The following ARRDC5 variants were observed in gnomAD, a reference collection of about 807,000 sequenced individuals.
ARRDC5 encodes the protein arrestin domain-containing protein 5.
ARRDC5 carries 12 observed loss-of-function variants against 13.3 expected under a neutral mutation model. The observed-to-expected ratio is 0.90, with a 90% confidence interval of 0.58 to 1.46. The LOEUF is 1.46. Ranked by LOEUF, ARRDC5 falls within the 40% of genes most tolerant of loss-of-function variation. ARRDC5 has a pLI of 0.00. For synonymous variants in ARRDC5, 181 were observed against 173.4 expected, an observed-to-expected ratio of 1.04 and a Z score of -0.34; for missense variants, 406 against 418.7, an observed-to-expected ratio of 0.97 and a Z score of 0.26.
intron 2 of ARRDC5, among the ~76,000 whole-genome samples, chr19:4,894,064 AG>A (rs1171886096): frequency 1.5e-5 from 2 of 137,134 alleles, no homozygotes; most frequent in African/African-American, 2.8e-5. Flanking sequence ...AAAAAAAAAG[AG>A]GAGAAGAAGA....
the ARRDC5 span, among the ~76,000 whole-genome samples, chr19:4,912,119 C>A: frequency 6.6e-6 from 1 of 152,242 alleles, no homozygotes; most frequent in South Asian, 2.1e-4. Context: ...CCGTAAGAGA[C>A]GTGATGACTT....
chr19:4,914,998 A>G, the ARRDC5 span, among the ~76,000 whole-genome samples: 1 of 152,208 alleles, frequency 6.6e-6, no homozygotes, highest in Non-Finnish European at 1.5e-5. Flanking sequence ...TGGGCACTGC[A>G]GGGTGCGGAG....
At chr19:4,898,588 C>T (rs1319241185) in intron 1 of ARRDC5, among the ~76,000 whole-genome samples, 1 of 151,574 alleles carries the variant, frequency 6.6e-6, no homozygotes, top group Non-Finnish European at 1.5e-5. Context: ...TCTCGAACTC[C>T]TGACCTCAGA....
the ARRDC5 span, among the ~76,000 whole-genome samples, chr19:4,912,250 G>A: frequency 6.6e-6 from 1 of 152,144 alleles, no homozygotes; most frequent in Admixed American, 6.6e-5. Flanking sequence ...CTCGACAGAG[G>A]AGCTCCGCCT....
intron 2 of ARRDC5, among the ~76,000 whole-genome samples, chr19:4,894,926 T>C (rs1056051598): frequency 2.0e-5 from 3 of 152,102 alleles, no homozygotes; most frequent in Admixed American, 1.3e-4. Context: ...TGAAGGTTAA[T>C]TGAATCTGGT....
At chr19:4,909,281 A>G in the ARRDC5 span, 1 of 532,280 alleles carries the variant, frequency 1.9e-6, no homozygotes, top group East Asian at 3.5e-5. Context: ...CCTGCCACGC[A>G]GCCCCTTTGC....
chr19:4,890,961 C>T lies in ARRDC5; in HGVS notation c.*85G>A, dbSNP rs1286362752. 8.2e-7 allele frequency: 1 copy of T among 1,221,704 alleles called. No individual in the cohort carries two copies. The highest frequency in any genetic ancestry group is 2.5e-5 in the East Asian group (1 of 39,944). The allele number at this position is 1,221,704 out of a possible 1,614,324, so 75.7% of individuals were successfully genotyped here. A position where few individuals can be genotyped will look rare whatever the true frequency, so the allele number is the denominator to read the frequency against. On this transcript the variant is annotated 3_prime_UTR_variant, in exon 3 of 3. Transcript: ENST00000650722. ...AGACAACCTGTTGCCCACTCCTCGA[C>T]TCCTCTGAGAGTCACCTGTGCAAGA...
chr19:4,901,701 G>A (rs2031921350), intron 1 of ARRDC5, among the ~76,000 whole-genome samples: 1 of 152,016 alleles, frequency 6.6e-6, no homozygotes, highest in Non-Finnish European at 1.5e-5. Flanking sequence ...GCCAAGTGTT[G>A]GCCACGTGTT....
At chr19:4,895,558 C>G (rs941279145) in intron 2 of ARRDC5, among the ~76,000 whole-genome samples, 3 of 152,098 alleles carry the variant, frequency 2.0e-5, no homozygotes, top group Non-Finnish European at 2.9e-5. Flanking sequence ...TGGCCAACGT[C>G]CCTCCTCCCA....
At chr19:4,904,902 T>C (rs183429752), upstream of ARRDC5, among the ~76,000 whole-genome samples, 6 of 152,138 alleles carry the variant, frequency 3.9e-5, no homozygotes, top group Admixed American at 2.0e-4. Context: ...GGGAGGGACA[T>C]TGAATCATAG....
At chr19:4,905,461 A>ATT (rs564794778), upstream of ARRDC5, among the ~76,000 whole-genome samples, 2 of 145,532 alleles carry the variant, frequency 1.4e-5, no homozygotes, top group African/African-American at 5.0e-5. Context: ...TTTTTTTGCA[A>ATT]TTTTTTTTTT....
At chr19:4,909,105 A>G in the ARRDC5 span, 1 of 186,414 alleles carries the variant, frequency 5.4e-6, no homozygotes, top group African/African-American at 2.4e-5. Context: ...GGGGCCCCCC[A>G]CATTCCCTCG....
At chr19:4,898,715 C>A (rs1568397499) in intron 1 of ARRDC5, among the ~76,000 whole-genome samples, 1 of 147,358 alleles carries the variant, frequency 6.8e-6, no homozygotes, top group Non-Finnish European at 1.5e-5. Flanking sequence ...CAGCCTGGAC[C>A]TCTTGGGCTC....
At position 4,899,892 on chromosome 19, in the gene ARRDC5, T is replaced by C. The variant is rs189922342; in HGVS notation, c.253+2681A>G. ...AGGCGGAGCTTGCAGTGAGCCAAGA[T>C]TGCACCACTGCACTCCACGCTGGGC... On this transcript the variant is annotated intron_variant, in intron 1 of 2. Coordinates refer to ENST00000650722, the MANE Select transcript of ARRDC5 (RefSeq NM_001080523.3). Among the ~76,000 whole-genome samples, 1,273 of 147,276 alleles carry C rather than the reference T, an allele frequency of 8.6e-3. 5 individuals carry two copies. Among genetic ancestry groups the C allele is most frequent in the Middle Eastern group, 0.014 (4 of 290 alleles).
At chr19:4,909,899 G>C in the ARRDC5 span, 2 of 371,926 alleles carry the variant, frequency 5.4e-6, no homozygotes, top group African/African-American at 4.2e-5. Context: ...GGTGGGGGAG[G>C]GCCTGGCGAG....
intron 1 of ARRDC5, among the ~76,000 whole-genome samples, chr19:4,897,701 G>A (rs952571770): frequency 6.6e-6 from 1 of 152,120 alleles, no homozygotes; most frequent in Non-Finnish European, 1.5e-5. Flanking sequence ...ATTTCTGGTA[G>A]AGACAGGGTC....
At chr19:4,894,046 TAAA>T (rs34393455) in intron 2 of ARRDC5, among the ~76,000 whole-genome samples, 5 of 121,142 alleles carry the variant, frequency 4.1e-5, no homozygotes, top group African/African-American at 9.0e-5. Flanking sequence ...AGACTCTGCC[TAAA>T]AAAAAAAAAA....
At chr19:4,909,693 CG>C in the ARRDC5 span, 1 of 508,162 alleles carries the variant, frequency 2.0e-6, no homozygotes, top group Non-Finnish European at 3.4e-6. Context: ...CAGCCCGGGC[CG>C]GGCGCACGGG....
intron 2 of ARRDC5, among the ~76,000 whole-genome samples, chr19:4,896,405 C>CACACACATAT (rs539564532): frequency 1.5e-4 from 16 of 106,384 alleles, no homozygotes; most frequent in African/African-American, 2.0e-4. Context: ...CACACACACA[C>CACACACATAT]ATATATATAA....
Sources: allele counts gnomAD v4.1 joint callset (sites outside exome capture counted in the v4.1 genomes callset), GRCh38; gene constraint gnomAD v4.1.1; transcripts MANE v1.5; gene names NCBI Gene and HGNC (gene_info 2026-07-23, HGNC 2026-07-21).